LETM1: variants seen among roughly 807,000 people sequenced by gnomAD.
The protein encoded by LETM1 is leucine zipper and EF-hand containing transmembrane protein 1.
A neutral mutation model predicts 74.5 loss-of-function variants in LETM1; 50 were observed. The observed-to-expected ratio is 0.67, with a 90% confidence interval of 0.53 to 0.85. The LOEUF (loss-of-function observed/expected upper bound fraction) is 0.85, where lower values mean the gene tolerates loss of function less well. LETM1 is among the 40% of genes least tolerant of loss of function. The pLI is 0.00. For missense variants in LETM1, 824 were observed against 967.8 expected (o/e 0.85, Z 1.97); for synonymous variants, 446 against 407.1 (o/e 1.10, Z -1.15).
chr4:1,855,707 C>A (rs1713217236), intron 1 of LETM1, among the ~76,000 whole-genome samples, 162 bp downstream of exon 1: 1 of 152,100 alleles, frequency 6.6e-6, no homozygotes, highest in South Asian at 2.1e-4. Context: ...GGCGGCCCAG[C>A]CCGCGACGAG....
intron 6 of LETM1, among the ~76,000 whole-genome samples, chr4:1,829,987 C>G (rs952324429): frequency 3.9e-5 from 6 of 152,216 alleles, no homozygotes; most frequent in African/African-American, 1.2e-4. Context: ...TTATCCTACT[C>G]AGGGTTCACT....
chr4:1,856,131 G>C lies in LETM1; in HGVS notation c.-181C>G, dbSNP rs1713236092. 3 of 343,748 alleles carry C rather than the reference G, an allele frequency of 8.7e-6. No individual in the cohort carries two copies. In the East Asian group the frequency reaches 1.4e-4, roughly 16 times the overall value. The allele number at this position is 343,748 out of a possible 1,614,324, so 21.3% of individuals were successfully genotyped here. Reference sequence around the variant, plus strand: ...CCGGCACCAGCGGCGGCCTTGTCCCGGCACAGACGTCCGGAGGCGCGGGGC... The same window carrying C: ...CCGGCACCAGCGGCGGCCTTGTCCCCGCACAGACGTCCGGAGGCGCGGGGC... On this transcript the variant is annotated 5_prime_UTR_variant, in exon 1 of 14. Coordinates refer to ENST00000302787, the MANE Select transcript of LETM1 (RefSeq NM_012318.3).
Position 1,819,843 on chromosome 4 carries a change from T to C in LETM1, c.1609-371A>G, listed in dbSNP as rs752790177. ...TGCCACTGCAGACTCGGGTGCACTTTCTAGCATCTTAGATAGACGGATCAT... is the reference window on the plus strand; with the variant it reads ...TGCCACTGCAGACTCGGGTGCACTTCCTAGCATCTTAGATAGACGGATCAT... On this transcript the variant is annotated intron_variant, in intron 10 of 13. Coordinates refer to ENST00000302787, the MANE Select transcript of LETM1 (RefSeq NM_012318.3). Among the ~76,000 whole-genome samples the C allele has an allele frequency of 3.7e-4, 56 of 152,330 alleles. 1 individual carries two copies. Among genetic ancestry groups the C allele is most frequent in the Admixed American group, 2.3e-3 (35 of 15,294 alleles).
intron 4 of LETM1, among the ~76,000 whole-genome samples, chr4:1,835,580 G>A (rs1048097402): frequency 1.3e-5 from 2 of 152,198 alleles, no homozygotes; most frequent in Non-Finnish European, 1.5e-5. Flanking sequence ...ATGGCTGTGT[G>A]GTCTAAAACA....
Position 1,856,152 on chromosome 4 carries a change from G to T in LETM1, c.-202C>A. 3.1e-6 allele frequency: 1 copy of T among 322,332 alleles called. No individual in the cohort carries two copies. The highest frequency in any genetic ancestry group is 4.9e-5 in the East Asian group (1 of 20,564). 20.0% of individuals were successfully genotyped at this position (322,332 alleles called of 1,614,324 possible). On this transcript the variant is annotated 5_prime_UTR_variant, in exon 1 of 14. Transcript: ENST00000302787. ...TCCCGGCACAGACGTCCGGAGGCGC[G>T]GGGCGGGGCGGCCAGGCCGCGGCTC...
At chr4:1,846,568 A>G (rs1712889533) in intron 2 of LETM1, 1 of 152,224 alleles carries the variant, frequency 6.6e-6, no homozygotes, top group Non-Finnish European at 1.5e-5. Flanking sequence ...CCCGGCCAGC[A>G]TTTATGTTTT....
intron 7 of LETM1, 66 bp from the exon 8 acceptor site, chr4:1,823,841 G>A (rs746482867): frequency 1.8e-5 from 27 of 1,524,392 alleles, no homozygotes; most frequent in African/African-American, 5.5e-5. Flanking sequence ...CAGCAGGTCC[G>A]CCCATCTCAT....
At chr4:1,825,714 GGACAGTTGCTGGTGGGT>G in intron 6 of LETM1, 31 bp from the exon 7 acceptor site, 1 of 1,587,096 alleles carries the variant, frequency 6.3e-7, no homozygotes, top group Non-Finnish European at 8.6e-7. Context: ...TTATCATCTG[GGACAGTTGCTGGTGGGT>G]GACAGTGTCT....
At position 1,825,559 on chromosome 4, in the gene LETM1, C is replaced by T. The variant is rs772471321; in HGVS notation, c.1200+5G>A. 4.4e-6 allele frequency: 7 copies of T among 1,608,902 alleles called. No homozygotes were observed. The highest frequency in any genetic ancestry group is 1.7e-5 in the Admixed American group (1 of 59,892). On this transcript the variant is annotated splice_donor_5th_base_variant and intron_variant, in intron 7 of 13. Transcript: ENST00000302787. ...CGGCCTGGCACCAGGCCAATATTCA[C>T]GCACCTGCTTCAGCTGACCCCTCAG...
At position 1,834,987 on chromosome 4, in the gene LETM1, A is replaced by G. The variant is rs772114623; in HGVS notation, c.739-5T>C. On this transcript the variant is annotated splice_polypyrimidine_tract_variant and splice_region_variant and intron_variant, in intron 4 of 13. Coordinates refer to ENST00000302787, the MANE Select transcript of LETM1 (RefSeq NM_012318.3). This position sits in a 1 kb window ranked among gnomAD's most constrained non-coding sequence, Gnocchi z 5.0. ...CTCCTTCTTCAGCCTCTCCTCCTGC[A>G]AGGGCAGAGAGGGCACTGCATTCCA... 2.5e-6 allele frequency: 4 copies of G among 1,613,674 alleles called. No homozygotes were observed. The highest frequency in any genetic ancestry group is 2.5e-6 in the Non-Finnish European group (3 of 1,179,850).
rs1194560893 is a variant in LETM1 at position 1,820,279 on chromosome 4, C to G, written c.1609-807G>C. On this transcript the variant is annotated intron_variant, in intron 10 of 13. Transcript: ENST00000302787. Reference sequence around the variant, plus strand: ...TCCCTCAGCAACATTTTACAGTACTCCGTGGACAGCACTTGCATATCTTTT... The same window carrying G: ...TCCCTCAGCAACATTTTACAGTACTGCGTGGACAGCACTTGCATATCTTTT... 2.0e-5 allele frequency among the ~76,000 whole-genome samples: 3 copies of G among 152,112 alleles called. No individual in the cohort carries two copies. In the South Asian group the frequency reaches 6.2e-4, roughly 32 times the overall value.
At chr4:1,821,744 T>G (rs1711784377) in intron 10 of LETM1, among the ~76,000 whole-genome samples, 1 of 152,068 alleles carries the variant, frequency 6.6e-6, no homozygotes, top group Admixed American at 6.5e-5. Flanking sequence ...CAGGCTCGCA[T>G]GGGGAGTCTG....
intron 6 of LETM1, among the ~76,000 whole-genome samples, chr4:1,832,057 T>C (rs1264315777): frequency 8.6e-5 from 13 of 152,044 alleles, no homozygotes. Flanking sequence ...TCCCAGCACT[T>C]TGGGAGGCCG....
chr4:1,839,507 G>A (rs1464863450), intron 3 of LETM1, among the ~76,000 whole-genome samples: 1 of 152,240 alleles, frequency 6.6e-6, no homozygotes, highest in Non-Finnish European at 1.5e-5. Context: ...AGTTGAAGCA[G>A]GAGCAGACGG....
intron 2 of LETM1, chr4:1,842,948 C>A (rs1712755087): frequency 5.1e-5 from 15 of 293,254 alleles, no homozygotes; most frequent in South Asian, 3.9e-4. Flanking sequence ...TCTTGCCTGG[C>A]ACACTAGAAA....
rs781520478 is a variant in LETM1 at position 1,822,251 on chromosome 4, G to A, written c.1538C>T (p.Pro513Leu). Residue 513 changes from proline to leucine, a missense_variant, in exon 10 of 14, where the codon CCA becomes CTA. Pro to Leu is a moderately conservative substitution (Grantham distance 98). This residue lies in a region of LETM1 where 172 missense variants were observed against 170.7 expected (regional missense o/e 1.01). Transcript: ENST00000302787. The stretch of plus-strand genomic sequence containing the variant: ...CTGCAGGACTGTGTCAGGCATTTCT[G>A]GCTGTGGCTCGGTCCCCGGCCTTTG... ...APQRPGTEPQ[P>L]EMPDTVLQSE... 4 of 1,549,228 alleles carry A rather than the reference G, an allele frequency of 2.6e-6. No homozygotes were observed. The highest frequency in any genetic ancestry group is 1.8e-5 in the Admixed American group (1 of 54,644).
At chr4:1,820,300 C>A (rs1392489956) in intron 10 of LETM1, among the ~76,000 whole-genome samples, 2 of 152,158 alleles carry the variant, frequency 1.3e-5, no homozygotes. Flanking sequence ...ACTTGCATAT[C>A]TTTTTCCAAA....
intron 6 of LETM1, among the ~76,000 whole-genome samples, chr4:1,830,130 T>C (rs1050429549): frequency 1.3e-5 from 2 of 152,250 alleles, no homozygotes; most frequent in African/African-American, 4.8e-5. Flanking sequence ...CACAGATGGT[T>C]GACACTTGCT....
chr4:1,847,180 A>G (rs1712908364), intron 2 of LETM1, among the ~76,000 whole-genome samples: 1 of 151,966 alleles, frequency 6.6e-6, no homozygotes, highest in South Asian at 2.1e-4. Context: ...AAAAATACCA[A>G]AAAGAAAAAA....
Sources: allele counts gnomAD v4.1 joint callset (sites outside exome capture counted in the v4.1 genomes callset), GRCh38; gene constraint gnomAD v4.1.1; regional missense constraint gnomAD v4.1.1; non-coding constraint Gnocchi (gnomAD v3.1); transcripts MANE v1.5; gene names NCBI Gene and HGNC (gene_info 2026-07-23, HGNC 2026-07-21).